Variants in RNF180 observed in about 807,000 individuals in gnomAD.
The protein encoded by RNF180 is ring finger protein 180.
In RNF180, 38 loss-of-function variants were observed where a neutral mutation model predicts 59.2. The ratio of observed to expected loss-of-function variants is 0.64; its 90% CI spans 0.50 to 0.84. RNF180 has a LOEUF of 0.84. RNF180 is among the 40% of genes least tolerant of loss of function. The pLI, the probability that RNF180 is intolerant of heterozygous loss-of-function variation, is 0.00. For missense variants in RNF180, 705 were observed against 700.9 expected (o/e 1.01, Z -0.07); for synonymous variants, 262 against 240.3 (o/e 1.09, Z -0.84).
intron 7 of RNF180, among the ~76,000 whole-genome samples, chr5:64,360,973 A>T (rs1746233068): frequency 6.6e-6 from 1 of 151,522 alleles, no homozygotes; most frequent in South Asian, 2.1e-4. Flanking sequence ...ACAAACCTAT[A>T]CTCTGCTCCA....
At chr5:64,229,509 G>C (rs771659912) in intron 5 of RNF180, among the ~76,000 whole-genome samples, 37 of 152,108 alleles carry the variant, frequency 2.4e-4, no homozygotes, top group African/African-American at 7.5e-4. Flanking sequence ...TATGATAAAG[G>C]GTTTAGAGAA....
chr5:64,342,188 G>T (rs771308069), intron 7 of RNF180, among the ~76,000 whole-genome samples: 1 of 152,054 alleles, frequency 6.6e-6, no homozygotes, highest in Non-Finnish European at 1.5e-5. Flanking sequence ...GCAATAACTG[G>T]GGGGAAATTA....
rs138458737 is a variant in RNF180, at chr5:64,257,740, C to T, written c.1227+40344C>T. Among the ~76,000 whole-genome samples the T allele has an allele frequency of 6.4e-3, 972 of 152,162 alleles. 8 individuals carry two copies. Among genetic ancestry groups the T allele is most frequent in the Non-Finnish European group, 0.01 (686 of 68,004 alleles). On this transcript the variant is annotated intron_variant, in intron 5 of 7. Coordinates refer to ENST00000389100, the MANE Select transcript of RNF180 (RefSeq NM_001113561.2). ...CTCATAAAATGAGTTAGGGAGGATT[C>T]CCTCTTTTTCTATTGATTGGAATAG...
intron 5 of RNF180, among the ~76,000 whole-genome samples, chr5:64,256,285 TC>T (rs1461136560): frequency 6.6e-6 from 1 of 152,226 alleles, no homozygotes; most frequent in African/African-American, 2.4e-5. Context: ...CGTGCCTATG[TC>T]CTGAATTGTA....
chr5:64,187,057 C>G (rs956644954), intron 1 of RNF180, among the ~76,000 whole-genome samples: 1 of 152,134 alleles, frequency 6.6e-6, no homozygotes, highest in African/African-American at 2.4e-5. Context: ...AATCAGAACA[C>G]ATGTCTGCAT....
intron 2 of RNF180, among the ~76,000 whole-genome samples, chr5:64,208,381 G>A (rs1412833221): frequency 2.6e-5 from 4 of 151,730 alleles, no homozygotes; most frequent in East Asian, 3.9e-4. Flanking sequence ...AATTTTTCCC[G>A]AGGAGATAAC....
intron 1 of RNF180, among the ~76,000 whole-genome samples, chr5:64,188,847 T>C (rs1402943621): frequency 2.0e-5 from 3 of 152,092 alleles, no homozygotes; most frequent in Non-Finnish European, 4.4e-5. Flanking sequence ...ATGGACTGAA[T>C]TGTGTCCCTC....
intron 1 of RNF180, among the ~76,000 whole-genome samples, chr5:64,167,619 G>A (rs1749716353): frequency 6.6e-6 from 1 of 152,134 alleles, no homozygotes; most frequent in South Asian, 2.1e-4. Context: ...AGGCAAGAAT[G>A]CAATAAATTA....
At chr5:64,239,861 A>G (rs1742692966) in intron 5 of RNF180, among the ~76,000 whole-genome samples, 2 of 152,272 alleles carry the variant, frequency 1.3e-5, no homozygotes, top group East Asian at 1.9e-4. Flanking sequence ...TAAAAGTTCT[A>G]CTTGGCATTA....
chr5:64,369,565 G>T, intron 7 of RNF180, 50 bp from the exon 8 acceptor site: 1 of 1,177,912 alleles, frequency 8.5e-7, no homozygotes, highest in South Asian at 2.4e-5. Flanking sequence ...CTTCTTTTCT[G>T]AGCACTAGCT....
chr5:64,192,903 G>GTGTGTATATATA (rs1486448173), intron 1 of RNF180, among the ~76,000 whole-genome samples: 27 of 93,878 alleles, frequency 2.9e-4, no homozygotes, highest in African/African-American at 9.9e-4. Context: ...AGTGTGGCAT[G>GTGTGTATATATA]TATATATATA....
chr5:64,327,691 C>G (rs1208565622), intron 6 of RNF180, among the ~76,000 whole-genome samples: 2 of 152,176 alleles, frequency 1.3e-5, no homozygotes, highest in African/African-American at 4.8e-5. Context: ...TGTTCTAACA[C>G]ATGGCCAACC....
intron 7 of RNF180, among the ~76,000 whole-genome samples, chr5:64,335,474 ACTTT>A (rs1197921098): frequency 1.2e-4 from 18 of 151,156 alleles, no homozygotes; most frequent in Non-Finnish European, 2.1e-4. Context: ...TTATTGATTT[ACTTT>A]CTTTGTTGTA....
At chr5:64,234,210 A>T (rs1418141508) in intron 5 of RNF180, among the ~76,000 whole-genome samples, 1 of 152,182 alleles carries the variant, frequency 6.6e-6, no homozygotes, top group Non-Finnish European at 1.5e-5. Flanking sequence ...TCACGCCTAT[A>T]ATCACAGCAC....
chr5:64,352,757 A>G (rs562125421), intron 7 of RNF180, among the ~76,000 whole-genome samples: 7 of 152,158 alleles, frequency 4.6e-5, no homozygotes, highest in African/African-American at 1.7e-4. Flanking sequence ...ATTTTTTGAT[A>G]TAAAATATCA....
chr5:64,231,160 T>C (rs1361395738), intron 5 of RNF180, among the ~76,000 whole-genome samples: 1 of 152,220 alleles, frequency 6.6e-6, no homozygotes, highest in Non-Finnish European at 1.5e-5. Context: ...CCTCACAGTG[T>C]TGCCTGGAGC....
intron 5 of RNF180, among the ~76,000 whole-genome samples, chr5:64,224,062 GGTGTGTGT>G (rs10694125): frequency 3.2e-4 from 45 of 141,460 alleles, no homozygotes; most frequent in Middle Eastern, 3.6e-3. Flanking sequence ...TCTAGGTTGG[GGTGTGTGT>G]GTGTGTGTGT....
chr5:64,228,915 CTTTTTTTT>C (rs373212886), intron 5 of RNF180, among the ~76,000 whole-genome samples: 1 of 98,490 alleles, frequency 1.0e-5, no homozygotes. Context: ...TCTATTACTG[CTTTTTTTT>C]TTTTTTTTTT....
intron 5 of RNF180, among the ~76,000 whole-genome samples, chr5:64,309,083 C>A (rs1247500130): frequency 6.6e-6 from 1 of 151,640 alleles, no homozygotes; most frequent in Admixed American, 6.6e-5. Context: ...AATGTATTTC[C>A]TCCAACATTA....
Sources: gnomAD v4.1 joint callset for allele counts (sites outside exome capture counted in the v4.1 genomes callset) on GRCh38, gnomAD v4.1.1 for gene constraint, MANE v1.5 for transcripts, NCBI Gene and HGNC (gene_info 2026-07-23, HGNC 2026-07-21) for gene names.